The following CSMD3 variants were observed in gnomAD, a reference collection of about 807,000 sequenced individuals.
CSMD3 encodes the protein CUB and Sushi multiple domains 3.
A neutral mutation model predicts 435.2 loss-of-function variants in CSMD3; 177 were observed. The observed-to-expected ratio is 0.41, with a 90% confidence interval of 0.36 to 0.46. CSMD3 has a LOEUF of 0.46. Ranked by LOEUF, CSMD3 falls within the 20% of genes least tolerant of loss-of-function variation. The pLI, the probability that CSMD3 is intolerant of heterozygous loss-of-function variation, is 0.34. For missense variants in CSMD3, 4,265 were observed against 4,504.6 expected, an observed-to-expected ratio of 0.95 and a Z score of 1.52; for synonymous variants, 1,656 against 1,520.5, an observed-to-expected ratio of 1.09 and a Z score of -2.07.
intron 1 of CSMD3, among the ~76,000 whole-genome samples, chr8:113,349,860 G>T (rs561026559): frequency 6.6e-6 from 1 of 152,036 alleles, no homozygotes; most frequent in African/African-American, 2.4e-5. Flanking sequence ...CCCCCGTTAA[G>T]ATATGAAATC....
At chr8:112,733,648 CT>C (rs34219878) in intron 13 of CSMD3, among the ~76,000 whole-genome samples, 50,483 of 151,676 alleles carry the variant, frequency 0.33, 9,261 homozygotes, top group African/African-American at 0.5. Flanking sequence ...GCATTTACAA[CT>C]TTTATTAAAC....
At chr8:112,418,385 T>C (rs1453135521) in intron 32 of CSMD3, among the ~76,000 whole-genome samples, 1 of 152,164 alleles carries the variant, frequency 6.6e-6, no homozygotes, top group African/African-American at 2.4e-5. Flanking sequence ...GACATTTTCA[T>C]GAATGCAAAA....
intron 16 of CSMD3, among the ~76,000 whole-genome samples, chr8:112,675,388 A>G (rs1482158963): frequency 6.6e-6 from 1 of 152,132 alleles, no homozygotes; most frequent in Non-Finnish European, 1.5e-5. Flanking sequence ...AAGCAGACCC[A>G]TGAATGTATT....
chr8:112,951,759 A>C (rs1388021026), intron 8 of CSMD3, among the ~76,000 whole-genome samples: 1 of 151,752 alleles, frequency 6.6e-6, no homozygotes, highest in African/African-American at 2.4e-5. Flanking sequence ...AATATGAATG[A>C]ATAAAAGTAT....
At chr8:112,561,723 C>T (rs1828638985) in intron 24 of CSMD3, among the ~76,000 whole-genome samples, 1 of 151,610 alleles carries the variant, frequency 6.6e-6, no homozygotes, top group Non-Finnish European at 1.5e-5. Context: ...TATTCTTGCA[C>T]ATATTTTTTA....
intron 1 of CSMD3, among the ~76,000 whole-genome samples, chr8:113,425,480 T>C (rs2094630882): frequency 6.6e-6 from 1 of 151,310 alleles, no homozygotes; most frequent in South Asian, 2.1e-4. Flanking sequence ...TAGGTAGTAA[T>C]CTTCAAATTA....
At chr8:113,129,626 T>C (rs1048325666) in intron 4 of CSMD3, among the ~76,000 whole-genome samples, 2 of 152,222 alleles carry the variant, frequency 1.3e-5, no homozygotes, top group South Asian at 4.1e-4. Flanking sequence ...TCATGTTCAG[T>C]TGAAAGTTAT....
intron 61 of CSMD3, among the ~76,000 whole-genome samples, chr8:112,258,271 T>C (rs1188732195): frequency 6.6e-6 from 1 of 152,132 alleles, no homozygotes; most frequent in Non-Finnish European, 1.5e-5. Flanking sequence ...AAAGCCAAAT[T>C]TGACAAATGG....
intron 64 of CSMD3, among the ~76,000 whole-genome samples, chr8:112,245,837 C>A (rs1053843017): frequency 2.6e-5 from 4 of 152,136 alleles, no homozygotes; most frequent in African/African-American, 9.7e-5. Context: ...CGTGCCTGGC[C>A]TAAATGGTTT....
chr8:112,410,602 G>GTGTATATATATATGTATATATATA (rs1832268326), intron 32 of CSMD3, among the ~76,000 whole-genome samples: 1 of 80,524 alleles, frequency 1.2e-5, no homozygotes, highest in Non-Finnish European at 2.6e-5. Context: ...ATATATATAT[G>GTGTATATATATATGTATATATATA]TGTATATATA....
intron 13 of CSMD3, among the ~76,000 whole-genome samples, chr8:112,784,943 G>A (rs930904371): frequency 1.3e-5 from 2 of 151,836 alleles, no homozygotes; most frequent in Non-Finnish European, 2.9e-5. Flanking sequence ...ATCAAAACGA[G>A]ACAAAGACAC....
At chr8:112,297,844 G>A (rs1048094111) in intron 53 of CSMD3, among the ~76,000 whole-genome samples, 2 of 151,852 alleles carry the variant, frequency 1.3e-5, no homozygotes, top group Non-Finnish European at 2.9e-5. Flanking sequence ...ACTTTAGTTG[G>A]GCACAGTGGC....
chr8:112,420,027 C>G (rs1423609715), intron 32 of CSMD3, among the ~76,000 whole-genome samples: 1 of 152,112 alleles, frequency 6.6e-6, no homozygotes, highest in African/African-American at 2.4e-5. Flanking sequence ...TTTATTTAAT[C>G]ACCTTTCATA....
chr8:112,830,873 G>A (rs753844754), intron 11 of CSMD3, among the ~76,000 whole-genome samples: 48 of 148,894 alleles, frequency 3.2e-4, no homozygotes, highest in Non-Finnish European at 3.8e-4. Flanking sequence ...TGCCAGCTCC[G>A]CCTCCTGGGT....
At chr8:112,380,640 CCAAGAAG>C (rs1829389559) in intron 37 of CSMD3, among the ~76,000 whole-genome samples, 184 bp from the exon 38 acceptor site, 1 of 152,050 alleles carries the variant, frequency 6.6e-6, no homozygotes, top group Non-Finnish European at 1.5e-5. Flanking sequence ...ATTCCTGTTT[CCAAGAAG>C]ACAGACCACC....
At chr8:113,094,898 C>T (rs570386636) in intron 5 of CSMD3, among the ~76,000 whole-genome samples, 9 of 151,966 alleles carry the variant, frequency 5.9e-5, no homozygotes, top group African/African-American at 1.4e-4. Flanking sequence ...AGTGAAACCC[C>T]GTCTCTACTA....
Position 112,517,221 on chromosome 8 carries a change from A to T in CSMD3, c.4569T>A (p.Ser1523=), listed in dbSNP as rs1216333937. ...KSGFAIQFSS[S]VATACRDPGV... ...CTGGGTCACGACACGCAGTGGCAAC[A>T]GAACCTATCAAAAGACAGAGACAAA... The change falls in exon 28 of 71, where the codon TCT becomes TCA. Residue 1523 remains serine, a synonymous_variant. Coordinates refer to ENST00000297405, the MANE Select transcript of CSMD3 (RefSeq NM_198123.2). The T allele has an allele frequency of 2.5e-6, 4 of 1,613,048 alleles. No individual in the cohort carries two copies. The highest frequency in any genetic ancestry group is 3.3e-5 in the Admixed American group (2 of 59,840).
intron 28 of CSMD3, among the ~76,000 whole-genome samples, chr8:112,515,208 G>A (rs1036577855): frequency 6.6e-6 from 1 of 152,020 alleles, no homozygotes; most frequent in Admixed American, 6.6e-5. Flanking sequence ...AGGATTTTAT[G>A]TAAAAACAAT....
At chr8:113,272,008 G>A (rs573849550) in intron 3 of CSMD3, among the ~76,000 whole-genome samples, 7 of 152,242 alleles carry the variant, frequency 4.6e-5, no homozygotes, top group African/African-American at 1.7e-4. Flanking sequence ...TTTCAGACTT[G>A]CATGGGCCTT....
Sources: gnomAD v4.1 joint callset for allele counts (sites outside exome capture counted in the v4.1 genomes callset) on GRCh38, gnomAD v4.1.1 for gene constraint, MANE v1.5 for transcripts, NCBI Gene and HGNC (gene_info 2026-07-23, HGNC 2026-07-21) for gene names.